The following DACH2 variants were observed in gnomAD, a reference collection of about 807,000 sequenced individuals.
The protein encoded by DACH2 is dachshund homolog 2.
DACH2 carries 17 observed loss-of-function variants against 35.8 expected under a neutral mutation model. The observed-to-expected ratio is 0.48, with a 90% CI of 0.33 to 0.71. The LOEUF (loss-of-function observed/expected upper bound fraction) is 0.71, where lower values mean the gene tolerates loss of function less well. Among genes scored for constraint, DACH2 ranks in the 30% least tolerant of loss-of-function variants. The pLI is 0.02. For synonymous variants in DACH2, 195 were observed against 177.3 expected, an observed-to-expected ratio of 1.10 and a Z score of -0.79; for missense variants, 469 against 472.7, an observed-to-expected ratio of 0.99 and a Z score of 0.07.
At chrX:86,307,214 C>T (rs1047276704) in intron 1 of DACH2, among the ~76,000 whole-genome samples, 1 of 111,807 alleles carries the variant, frequency 8.9e-6, no homozygotes, top group African/African-American at 3.3e-5. Flanking sequence ...GCTTCAGAAG[C>T]AGATACTGAG....
chrX:86,165,949 C>T (rs1007652806), intron 1 of DACH2, among the ~76,000 whole-genome samples: 1 of 111,542 alleles, frequency 9.0e-6, no homozygotes, highest in Non-Finnish European at 1.9e-5. Flanking sequence ...TTTCTTGTAG[C>T]AGTTTCACAG....
At chrX:86,714,483 A>T in intron 5 of DACH2, 65 bp from the exon 6 acceptor site, 1 of 970,460 alleles carries the variant, frequency 1.0e-6, no homozygotes, top group Non-Finnish European at 1.4e-6. Flanking sequence ...GAATTTAGGT[A>T]CTTTTTAACA....
intron 5 of DACH2, among the ~76,000 whole-genome samples, chrX:86,704,795 G>A (rs2041190713): frequency 9.0e-6 from 1 of 110,819 alleles, no homozygotes; most frequent in Non-Finnish European, 1.9e-5. Flanking sequence ...CTACACTGCT[G>A]GTGGGAATGT....
At chrX:86,588,561 C>A (rs1360643584) in intron 3 of DACH2, among the ~76,000 whole-genome samples, 1 of 111,631 alleles carries the variant, frequency 9.0e-6, no homozygotes, top group Non-Finnish European at 1.9e-5. Context: ...AACATTTTCT[C>A]CTCATAGAGA....
At chrX:86,427,615 G>T (rs1368051523) in intron 2 of DACH2, among the ~76,000 whole-genome samples, 1 of 111,063 alleles carries the variant, frequency 9.0e-6, no homozygotes, top group Non-Finnish European at 1.9e-5. Context: ...TGAAACTAGA[G>T]CTGATTCTAC....
intron 1 of DACH2, among the ~76,000 whole-genome samples, chrX:86,274,391 C>G (rs1303018797): frequency 9.3e-6 from 1 of 107,303 alleles, no homozygotes; most frequent in Admixed American, 1.0e-4. Context: ...ATTTCTTTGG[C>G]AGATTTAAGT....
chrX:86,635,077 CA>C (rs35456473), intron 3 of DACH2, among the ~76,000 whole-genome samples: 13,855 of 110,753 alleles, frequency 0.13, 751 homozygotes, highest in East Asian at 0.32. Context: ...AAGAAAACTT[CA>C]GGCTAATACC....
chrX:86,698,750 G>A (rs2041104274), intron 5 of DACH2, among the ~76,000 whole-genome samples: 1 of 108,276 alleles, frequency 9.2e-6, no homozygotes, highest in African/African-American at 3.4e-5. Flanking sequence ...TGCCTAGGCT[G>A]GTCTTGAATT....
At chrX:86,316,605 C>T (rs1220400693) in intron 1 of DACH2, among the ~76,000 whole-genome samples, 1 of 111,552 alleles carries the variant, frequency 9.0e-6, no homozygotes, top group Non-Finnish European at 1.9e-5. Context: ...AATGGAATAC[C>T]TAATGGCTGT....
intron 4 of DACH2, among the ~76,000 whole-genome samples, chrX:86,653,421 C>G (rs1431052253): frequency 1.8e-5 from 2 of 111,188 alleles, no homozygotes; most frequent in African/African-American, 6.6e-5. Flanking sequence ...AGCAGGGTGA[C>G]TCCCCATTCC....
At chrX:86,586,692 A>G (rs1057250944) in intron 3 of DACH2, among the ~76,000 whole-genome samples, 1 of 111,142 alleles carries the variant, frequency 9.0e-6, no homozygotes, top group Non-Finnish European at 1.9e-5. Context: ...TCCTTTCCCC[A>G]TTGCTTGTTT....
intron 3 of DACH2, among the ~76,000 whole-genome samples, chrX:86,569,453 T>G (rs2039336208): frequency 1.8e-5 from 2 of 111,013 alleles, no homozygotes; most frequent in Admixed American, 1.9e-4. Context: ...TGAAAATATA[T>G]CGTTTCTAAA....
chrX:86,773,643 T>A (rs2042006279), intron 7 of DACH2, among the ~76,000 whole-genome samples: 1 of 111,859 alleles, frequency 8.9e-6, no homozygotes, highest in African/African-American at 3.2e-5. Context: ...CCATTATTTT[T>A]TTCACTAGTT....
chrX:86,276,211 G>A (rs1410776329), intron 1 of DACH2, among the ~76,000 whole-genome samples: 1 of 111,623 alleles, frequency 9.0e-6, no homozygotes, highest in Non-Finnish European at 1.9e-5. Context: ...CCTGTCTTTT[G>A]GATATAAGCC....
At chrX:86,532,932 C>A (rs1194794419) in intron 3 of DACH2, among the ~76,000 whole-genome samples, 2 of 111,469 alleles carry the variant, frequency 1.8e-5, no homozygotes, top group African/African-American at 3.3e-5. Context: ...AAATAAAGTT[C>A]TCTGTTTCTG....
intron 5 of DACH2, among the ~76,000 whole-genome samples, chrX:86,698,521 G>GTTTTTTTTTTTTT (rs767152609): frequency 0.012 from 381 of 32,947 alleles, 90 homozygotes; most frequent in East Asian, 0.033. Flanking sequence ...TTAGTTTTGT[G>GTTTTTTTTTTTTT]TTTTTTTTTT....
intron 4 of DACH2, among the ~76,000 whole-genome samples, chrX:86,680,325 C>G (rs2040866689): frequency 8.9e-6 from 1 of 111,970 alleles, no homozygotes; most frequent in Non-Finnish European, 1.9e-5. Flanking sequence ...AAACATCCAT[C>G]TATTGTGTGC....
intron 2 of DACH2, among the ~76,000 whole-genome samples, chrX:86,401,585 T>C (rs1238728251): frequency 9.0e-6 from 1 of 111,510 alleles, no homozygotes; most frequent in Non-Finnish European, 1.9e-5. Flanking sequence ...ATGGAGTTTC[T>C]TGGCTTTTGC....
chrX:86,443,036 C>T (rs2037196745), intron 2 of DACH2, among the ~76,000 whole-genome samples: 1 of 111,496 alleles, frequency 9.0e-6, no homozygotes, highest in South Asian at 3.7e-4. Context: ...TTTTTTTGCT[C>T]AAGCTTGCTT....
Sources: gnomAD v4.1 joint callset for allele counts (sites outside exome capture counted in the v4.1 genomes callset) on GRCh38, gnomAD v4.1.1 for gene constraint, MANE v1.5 for transcripts, NCBI Gene and HGNC (gene_info 2026-07-23, HGNC 2026-07-21) for gene names.